Variants in TMEM114 observed in about 807,000 individuals in gnomAD.
TMEM114 encodes transmembrane protein 114.
In TMEM114, 6 loss-of-function variants were observed where a neutral mutation model predicts 6.2. That is an observed-to-expected ratio of 0.97 (90% confidence interval 0.53 to 1.91). TMEM114 has a LOEUF of 1.91. Among genes scored for constraint, TMEM114 ranks in the 40% most tolerant of loss-of-function variants. The pLI, the probability that TMEM114 is intolerant of heterozygous loss-of-function variation, is 0.01. For synonymous variants in TMEM114, 104 were observed against 73.0 expected (o/e 1.42, Z -2.16); for missense variants, 218 against 158.3 (o/e 1.38, Z -2.02).
At chr16:8,563,672 A>C (rs983759068) in intron 2 of TMEM114, among the ~76,000 whole-genome samples, 18 of 151,268 alleles carry the variant, frequency 1.2e-4, no homozygotes, top group Admixed American at 5.9e-4. Flanking sequence ...CGAATAAGTA[A>C]GTGAATGAGT....
At chr16:8,576,522 G>A (rs971473130) in intron 2 of TMEM114, among the ~76,000 whole-genome samples, 6 of 152,226 alleles carry the variant, frequency 3.9e-5, no homozygotes, top group Non-Finnish European at 7.3e-5. Flanking sequence ...CTGGCAAGCG[G>A]GAAAGGATAT....
At chr16:8,547,675 GC>G (rs748297432) in intron 2 of TMEM114, among the ~76,000 whole-genome samples, 18 of 152,278 alleles carry the variant, frequency 1.2e-4, no homozygotes, top group Non-Finnish European at 2.4e-4. Context: ...ACAGGCATGA[GC>G]CACCGCACCC....
intron 3 of TMEM114, among the ~76,000 whole-genome samples, 165 bp from the exon 4 acceptor site, chr16:8,570,170 C>A (rs1354235006): frequency 6.6e-6 from 1 of 152,192 alleles, no homozygotes; most frequent in Non-Finnish European, 1.5e-5. Flanking sequence ...TGCATTCACC[C>A]CTGCTTCTCT....
chr16:8,576,738 G>GGAAGGAAGGAAA (rs1901946399), intron 2 of TMEM114, among the ~76,000 whole-genome samples: 3 of 150,304 alleles, frequency 2.0e-5, no homozygotes, highest in African/African-American at 7.3e-5. Flanking sequence ...AAGGAAGGAA[G>GGAAGGAAGGAAA]GAAGGAAGGA....
At chr16:8,586,634 T>A (rs1222023696) in intron 2 of TMEM114, among the ~76,000 whole-genome samples, 1 of 152,022 alleles carries the variant, frequency 6.6e-6, no homozygotes, top group East Asian at 1.9e-4. Context: ...CTCAGCCTCC[T>A]GAGTAGCTGG....
At chr16:8,527,823 G>A in the TMEM114 span, among the ~76,000 whole-genome samples, 1 of 152,070 alleles carries the variant, frequency 6.6e-6, no homozygotes, top group East Asian at 1.9e-4. Context: ...GTGGAGTTTG[G>A]GTCTGTGAGC....
chr16:8,560,215 C>T (rs766183925), intron 2 of TMEM114, among the ~76,000 whole-genome samples: 1 of 151,644 alleles, frequency 6.6e-6, no homozygotes, highest in African/African-American at 2.4e-5. Context: ...TTAGGCTGGG[C>T]TCAAACTCCT....
rs924476496 is a variant in TMEM114, at chr16:8,549,545, T to A, written n.213-11719A>T. Among the ~76,000 whole-genome samples the A allele has an allele frequency of 7.9e-5, 12 of 151,884 alleles. No individual in the cohort carries two copies. The East Asian group carries it at 9.7e-4, about 12-fold the overall frequency. ...ATGCATGATCTCAAAGTGAGATCTG[T>A]GTGAACTGAGAAAAATAAGAAAGTT... On this transcript the variant is annotated intron_variant and non_coding_transcript_variant, in intron 2 of 2. Coordinates refer to the TMEM114 transcript ENST00000623677.
chr16:8,543,450 T>C (rs1031778951), intron 2 of TMEM114, among the ~76,000 whole-genome samples: 22 of 73,908 alleles, frequency 3.0e-4, no homozygotes, highest in African/African-American at 1.2e-3. Context: ...ACTTGCGTCA[T>C]GCAATGGTGC....
At chr16:8,546,612 G>T (rs1405433626) in intron 2 of TMEM114, among the ~76,000 whole-genome samples, 1 of 152,172 alleles carries the variant, frequency 6.6e-6, no homozygotes, top group African/African-American at 2.4e-5. Context: ...AATGCCCAGG[G>T]TTCAAATAAT....
intron 2 of TMEM114, among the ~76,000 whole-genome samples, chr16:8,556,980 G>T (rs147462424): frequency 5.9e-5 from 9 of 152,162 alleles, no homozygotes; most frequent in African/African-American, 1.7e-4. Flanking sequence ...GTTGGATTTT[G>T]CTGGGGACCA....
In TMEM114 at chr16:8,582,855, C is replaced by G. The variant is rs147108277; in HGVS notation, c.301+6358G>C. On this transcript the variant is annotated intron_variant, in intron 2 of 3. Transcript: ENST00000620492. ...TGGAAGCTGCAGTGATCTCAGATCT[C>G]AGCACTACACTCCAGCCTGGGCAAC... 4.4e-4 allele frequency among the ~76,000 whole-genome samples: 67 copies of G among 152,034 alleles called. 2 individuals are homozygous for G. The East Asian group carries it at 0.013, about 29-fold the overall frequency.
At chr16:8,571,559 G>A (rs866609601) in intron 3 of TMEM114, among the ~76,000 whole-genome samples, 66 of 152,182 alleles carry the variant, frequency 4.3e-4, no homozygotes, top group African/African-American at 1.4e-3. Context: ...GAAATTGTGT[G>A]TTCTTTGACC....
At chr16:8,555,740 C>T (rs13337991) in intron 2 of TMEM114, among the ~76,000 whole-genome samples, 67,461 of 151,930 alleles carry the variant, frequency 0.44, 15,455 homozygotes, top group African/African-American at 0.53. Flanking sequence ...TATCTGGAGA[C>T]GTTTTTGGTT....
downstream of TMEM114, among the ~76,000 whole-genome samples, chr16:8,533,670 A>C (rs141794819): frequency 3.3e-5 from 5 of 152,332 alleles, no homozygotes; most frequent in East Asian, 9.6e-4. Context: ...TGATTATTTC[A>C]CTGAGGGTTC....
chr16:8,529,195 C>T, the TMEM114 span, among the ~76,000 whole-genome samples: 3 of 152,172 alleles, frequency 2.0e-5, no homozygotes, highest in African/African-American at 4.8e-5. Context: ...GACAGCTAGA[C>T]TTGGATGAAG....
chr16:8,565,723 G>A (rs888089372), downstream of TMEM114, among the ~76,000 whole-genome samples: 1 of 152,156 alleles, frequency 6.6e-6, no homozygotes, highest in Non-Finnish European at 1.5e-5. Context: ...AGACCTAAGG[G>A]TCTTAGAGCA....
chr16:8,534,473 C>G (rs1044680009), downstream of TMEM114, among the ~76,000 whole-genome samples: 2 of 152,060 alleles, frequency 1.3e-5, no homozygotes, highest in African/African-American at 4.8e-5. Flanking sequence ...TAATCATGAG[C>G]CAAATTCTGC....
rs568993812 is a variant in TMEM114, at chr16:8,556,266, G to A, written n.213-18440C>T. 4.5e-4 allele frequency among the ~76,000 whole-genome samples: 69 copies of A among 152,186 alleles called. 1 individual carries two copies. Among genetic ancestry groups the A allele is most frequent in the Middle Eastern group, 3.4e-3 (1 of 294 alleles). The stretch of plus-strand genomic sequence containing the variant: ...TGTCCCTGCAGTTATACCAGCCCCC[G>A]CTGCTCCAGCCCATCACTCAAGCTA... On this transcript the variant is annotated intron_variant and non_coding_transcript_variant, in intron 2 of 2. Transcript: ENST00000623677.
Sources: allele counts gnomAD v4.1 joint callset (sites outside exome capture counted in the v4.1 genomes callset), GRCh38; gene constraint gnomAD v4.1.1; transcripts MANE v1.5; gene names NCBI Gene and HGNC (gene_info 2026-07-23, HGNC 2026-07-21).